The following AACS variants were observed in gnomAD, a reference collection of about 807,000 sequenced individuals.
AACS encodes the protein acetoacetyl-CoA synthetase, also known as acetoacetate-CoA ligase.
AACS carries 69 observed loss-of-function variants against 83.1 expected under a neutral mutation model. The ratio of observed to expected loss-of-function variants is 0.83; its 90% CI spans 0.68 to 1.01. The LOEUF (loss-of-function observed/expected upper bound fraction) is 1.01, where lower values mean the gene tolerates loss of function less well. AACS is among the 50% of genes least tolerant of loss of function. The pLI, the probability that AACS is intolerant of heterozygous loss-of-function variation, is 0.00. For synonymous variants in AACS, 333 were observed against 343.4 expected (o/e 0.97, Z 0.33); for missense variants, 866 against 882.2 (o/e 0.98, Z 0.23).
chr12:125,125,158 G>C (rs1957227288), intron 12 of AACS, 134 bp downstream of exon 12: 1 of 1,347,444 alleles, frequency 7.4e-7, no homozygotes, highest in Admixed American at 2.2e-5. Flanking sequence ...CCCTTCTCAT[G>C]ATCTGAGGCA....
chr12:125,067,605 C>T (rs1188771295), intron 1 of AACS, among the ~76,000 whole-genome samples: 2 of 152,112 alleles, frequency 1.3e-5, no homozygotes, highest in South Asian at 2.1e-4. Flanking sequence ...GCAATCTCGG[C>T]TCATTGCAAC....
At chr12:125,104,774 A>G (rs1393975307) in intron 7 of AACS, among the ~76,000 whole-genome samples, 2 of 152,192 alleles carry the variant, frequency 1.3e-5, no homozygotes, top group Non-Finnish European at 2.9e-5. Context: ...TCCATCTGTA[A>G]AATGGAGATG....
rs749580143 is a variant in AACS, at chr12:125,076,579, A to G, written c.326A>G (p.Lys109Arg). ...LNYAENLLRH[K>R]ENDRVALYIA... ...TATGCAGAAAACCTCCTGCGGCACA[A>G]AGAGAATGACAGAGTTGCCCTTTAC... The change falls in exon 3 of 18, where the codon AAA becomes AGA. Residue 109 changes from lysine (K) to arginine (R), a missense_variant. Transcript: ENST00000316519. The G allele has an allele frequency of 5.0e-6, 8 of 1,614,150 alleles. No individual in the cohort carries two copies. The South Asian group carries it at 6.6e-5, about 13-fold the overall frequency.
chr12:125,124,934 A>T lies in AACS; in HGVS notation c.1219A>T (p.Ile407Phe), dbSNP rs764135078. The T allele has an allele frequency of 6.2e-7, 1 of 1,614,164 alleles. No individual in the cohort carries two copies. Residue 407 changes from isoleucine to phenylalanine, a missense_variant, in exon 12 of 18, where the codon ATC (isoleucine) becomes TTC (phenylalanine). By Grantham distance (21) the Ile-to-Phe change is conservative. Coordinates refer to ENST00000316519, the MANE Select transcript of AACS (RefSeq NM_023928.5). ...CCACAGTCTCCAGATGCTCCACACG[A>T]TCCTGTCCACTGGCTCCCCACTGAA... ...ETHSLQMLHT[I>F]LSTGSPLKAQ...
intron 4 of AACS, among the ~76,000 whole-genome samples, chr12:125,087,055 G>GAGGGCAGGAGGT (rs1352271979): frequency 1.3e-5 from 2 of 152,086 alleles, no homozygotes; most frequent in Admixed American, 1.3e-4. Context: ...GTGGAACATG[G>GAGGGCAGGAGGT]AGGGCAGGAG....
chr12:125,080,417 C>T lies in AACS; in HGVS notation c.358+3806C>T, dbSNP rs547446055. Among the ~76,000 whole-genome samples, 6 of 152,272 alleles carry T rather than the reference C, an allele frequency of 3.9e-5. No homozygotes were observed. In the East Asian group the frequency reaches 7.7e-4, roughly 20 times the overall value. ...ATTCCTAGTGATGACATAAGCCAGTCTTCCCAGAACTTGTAATACGGGTGT... is the reference window on the plus strand; with the variant it reads ...ATTCCTAGTGATGACATAAGCCAGTTTTCCCAGAACTTGTAATACGGGTGT... On this transcript the variant is annotated intron_variant, in intron 3 of 17. Coordinates refer to ENST00000316519, the MANE Select transcript of AACS (RefSeq NM_023928.5).
chr12:125,069,427 T>C (rs1328309009), intron 1 of AACS, among the ~76,000 whole-genome samples: 2 of 152,178 alleles, frequency 1.3e-5, no homozygotes, highest in Non-Finnish European at 2.9e-5. Flanking sequence ...TCTGGTAGGG[T>C]TACCCACCCT....
At chr12:125,099,272 C>T (rs557295268) in intron 5 of AACS, among the ~76,000 whole-genome samples, 35 of 152,294 alleles carry the variant, frequency 2.3e-4, no homozygotes, top group South Asian at 1.4e-3. Flanking sequence ...TAATGGTTTA[C>T]GCAGAAGGGA....
At chr12:125,110,955 G>A (rs1956942006) in intron 8 of AACS, among the ~76,000 whole-genome samples, 1 of 152,038 alleles carries the variant, frequency 6.6e-6, no homozygotes, top group African/African-American at 2.4e-5. Flanking sequence ...TTCACTGAAG[G>A]TCTTGTTGCA....
At chr12:125,116,969 C>T (rs1041654178) in intron 9 of AACS, among the ~76,000 whole-genome samples, 14 of 150,754 alleles carry the variant, frequency 9.3e-5, no homozygotes, top group Non-Finnish European at 1.8e-4. Flanking sequence ...TTTCTTTTGA[C>T]AGTCTCACTC....
intron 4 of AACS, among the ~76,000 whole-genome samples, chr12:125,089,429 T>A (rs1480921180): frequency 2.6e-5 from 4 of 152,152 alleles, no homozygotes; most frequent in African/African-American, 9.7e-5. Flanking sequence ...CTTCGTCTCG[T>A]GACTGCCTTC....
At chr12:125,079,025 G>A (rs1956101061) in intron 3 of AACS, among the ~76,000 whole-genome samples, 1 of 152,116 alleles carries the variant, frequency 6.6e-6, no homozygotes, top group Non-Finnish European at 1.5e-5. Flanking sequence ...GCCAGGGAAA[G>A]CCTGTTTGGA....
rs1390092640 is a variant in AACS, at chr12:125,073,988, A to T, written c.237+9A>T. 3.8e-6 allele frequency: 6 copies of T among 1,598,020 alleles called. No homozygotes were observed. Among genetic ancestry groups the T allele is most frequent in the Non-Finnish European group, 5.1e-6 (6 of 1,168,838 alleles). ...CACGTGTGTATGATGAGGTAAGTAG[A>T]GATTTTCCGTGGATATCATCTCTTT... is the stretch of plus-strand genomic sequence containing the variant. On this transcript the variant is annotated intron_variant, in intron 2 of 17. Coordinates refer to ENST00000316519, the MANE Select transcript of AACS (RefSeq NM_023928.5).
chr12:125,073,021 A>C (rs1955918782), intron 1 of AACS, among the ~76,000 whole-genome samples: 1 of 135,532 alleles, frequency 7.4e-6, no homozygotes, highest in African/African-American at 2.8e-5. Context: ...TCGGCCTCCC[A>C]GGTTTAAGCA....
intron 8 of AACS, among the ~76,000 whole-genome samples, chr12:125,110,169 G>A (rs780627366): frequency 6.7e-6 from 1 of 149,722 alleles, no homozygotes; most frequent in Non-Finnish European, 1.5e-5. Flanking sequence ...ATAGGCGCCC[G>A]CGACCACGGC....
At chr12:125,112,044 G>A (rs1956964165) in intron 8 of AACS, among the ~76,000 whole-genome samples, 1 of 152,206 alleles carries the variant, frequency 6.6e-6, no homozygotes, top group South Asian at 2.1e-4. Context: ...GATTTTAAGT[G>A]AAAAAGAAAG....
intron 3 of AACS, among the ~76,000 whole-genome samples, chr12:125,078,586 T>C (rs998267017): frequency 1.3e-5 from 2 of 152,046 alleles, no homozygotes; most frequent in Non-Finnish European, 2.9e-5. Flanking sequence ...TTTGGGAGGC[T>C]GAGGCGGGCA....
chr12:125,098,940 G>T (rs1160699741), intron 5 of AACS, among the ~76,000 whole-genome samples: 1 of 152,306 alleles, frequency 6.6e-6, no homozygotes, highest in South Asian at 2.1e-4. Flanking sequence ...ACCCCGGGAC[G>T]TAGGTGGGGG....
chr12:125,119,723 T>A (rs1957121692), intron 10 of AACS: 1 of 152,092 alleles, frequency 6.6e-6, no homozygotes. Flanking sequence ...GGAGCTACAG[T>A]TAAAGATGAG....
Sources: gnomAD v4.1 joint callset for allele counts (sites outside exome capture counted in the v4.1 genomes callset) on GRCh38, gnomAD v4.1.1 for gene constraint, MANE v1.5 for transcripts, NCBI Gene and HGNC (gene_info 2026-07-23, HGNC 2026-07-21) for gene names.